The following RICTOR variants were observed in gnomAD, a reference collection of about 807,000 sequenced individuals.
The protein encoded by RICTOR is RPTOR independent companion of MTOR complex 2, also known as rapamycin-insensitive companion of mTOR.
In RICTOR, 49 loss-of-function variants were observed where a neutral mutation model predicts 214.9. The observed-to-expected ratio is 0.23, with a 90% confidence interval of 0.18 to 0.29. The LOEUF is 0.29. Ranked by LOEUF, RICTOR falls within the 10% of genes least tolerant of loss-of-function variation. The pLI is 1.00. For synonymous variants in RICTOR, 717 were observed against 711.3 expected, an observed-to-expected ratio of 1.01 and a Z score of -0.13; for missense variants, 1,625 against 2,047.0, an observed-to-expected ratio of 0.79 and a Z score of 3.98.
At chr5:39,072,065 TC>T (rs1282330431) in intron 2 of RICTOR, among the ~76,000 whole-genome samples, 2 of 152,160 alleles carry the variant, frequency 1.3e-5, no homozygotes, top group African/African-American at 4.8e-5. Context: ...AATGACTGAT[TC>T]AGATTAATTC....
At chr5:39,052,097 G>A (rs912498830) in intron 2 of RICTOR, among the ~76,000 whole-genome samples, 1 of 152,212 alleles carries the variant, frequency 6.6e-6, no homozygotes, top group African/African-American at 2.4e-5. Flanking sequence ...AAATAGGCCA[G>A]GCGTGGTGGC....
intron 14 of RICTOR, 171 bp downstream of exon 14, chr5:38,966,989 CA>C: frequency 1.5e-6 from 1 of 668,214 alleles, no homozygotes; most frequent in Non-Finnish European, 2.7e-6. Flanking sequence ...TTAGTTGAGA[CA>C]CAGTTTCACC....
At position 38,947,287 on chromosome 5, in the gene RICTOR, C is replaced by T. The variant is rs1456534615; in HGVS notation, c.4291G>A (p.Val1431Met). Residue 1431 changes from valine to methionine, a missense_variant, in exon 32 of 38, where the codon GTG (valine) becomes ATG (methionine). By Grantham distance (21) the Val-to-Met change is conservative. This residue lies in a region of RICTOR where 1,214 missense variants were observed against 1,470.5 expected (regional missense o/e 0.83). Coordinates refer to ENST00000357387, the MANE Select transcript of RICTOR (RefSeq NM_152756.5). ...SDDYIGLALP[V>M]DINDIFQVKD... Reference sequence around the variant, plus strand: ...ACCTGGAATATATCATTTATATCCACCGGGAGAGCAAGACCAATGTAATCA... The same window carrying T: ...ACCTGGAATATATCATTTATATCCATCGGGAGAGCAAGACCAATGTAATCA... 1 of 1,611,906 alleles carries T rather than the reference C, an allele frequency of 6.2e-7. No homozygotes were observed. The highest frequency in any genetic ancestry group is 1.1e-5 in the South Asian group (1 of 90,932).
At chr5:38,974,422 C>T (rs1751035899) in intron 10 of RICTOR, among the ~76,000 whole-genome samples, 1 of 151,988 alleles carries the variant, frequency 6.6e-6, no homozygotes. Context: ...TAAGGAAAGA[C>T]TGGCAGAAAC....
At chr5:38,948,478 A>G (rs966008009) in intron 31 of RICTOR, among the ~76,000 whole-genome samples, 1 of 152,036 alleles carries the variant, frequency 6.6e-6, no homozygotes, top group African/African-American at 2.4e-5. Flanking sequence ...CCCAATTCCT[A>G]TTTCAACCAG....
Position 38,991,049 on chromosome 5 carries a change from A to C in RICTOR, c.483T>G (p.Phe161Leu). ...RKMITVNASL[F>L]PSSVTNSLIA... Reference sequence around the variant, plus strand: ...TTAATGAGTTGGTCACAGAACTAGGAAACAAGGAAGCATTCACAGTAATCA... The same window carrying C: ...TTAATGAGTTGGTCACAGAACTAGGCAACAAGGAAGCATTCACAGTAATCA... The change falls in exon 7 of 38, where the codon TTT (phenylalanine) becomes TTG (leucine). Residue 161 changes from phenylalanine to leucine, a missense_variant. Phe to Leu is a conservative substitution (Grantham distance 22). Transcript: ENST00000357387. 6.3e-7 allele frequency: 1 copy of C among 1,596,958 alleles called. No individual in the cohort carries two copies.
At chr5:39,028,636 A>T (rs527255501) in intron 2 of RICTOR, among the ~76,000 whole-genome samples, 1 of 152,356 alleles carries the variant, frequency 6.6e-6, no homozygotes, top group South Asian at 2.1e-4. Context: ...TATTTATAGC[A>T]GCCTTATTCA....
chr5:38,944,047 A>T (rs1326263890), intron 36 of RICTOR, among the ~76,000 whole-genome samples: 1 of 152,204 alleles, frequency 6.6e-6, no homozygotes, highest in African/African-American at 2.4e-5. Context: ...ATTAACTACT[A>T]TATTAGAAAT....
chr5:39,006,971 T>C (rs1482342718), intron 3 of RICTOR, among the ~76,000 whole-genome samples: 1 of 152,160 alleles, frequency 6.6e-6, no homozygotes, highest in East Asian at 1.9e-4. Context: ...GTGTTGAAAG[T>C]AGTTACAAAT....
intron 30 of RICTOR, 94 bp from the exon 31 acceptor site, chr5:38,950,814 G>T: frequency 1.9e-6 from 2 of 1,031,790 alleles, no homozygotes; most frequent in East Asian, 5.2e-5. Flanking sequence ...TTTTTTTTTA[G>T]TCATCTAGAG....
chr5:38,973,103 G>A (rs1033706560), intron 10 of RICTOR, among the ~76,000 whole-genome samples: 4 of 152,130 alleles, frequency 2.6e-5, no homozygotes, highest in East Asian at 1.9e-4. Flanking sequence ...TTAGGAGTAC[G>A]GAGTCAAAAA....
intron 19 of RICTOR, among the ~76,000 whole-genome samples, 181 bp from the exon 20 acceptor site, chr5:38,960,714 C>T (rs1749720416): frequency 6.7e-6 from 1 of 149,390 alleles, no homozygotes; most frequent in African/African-American, 2.5e-5. Context: ...GTGCCCCCAC[C>T]CAAATCTCAC....
At chr5:39,002,184 A>T (rs968551767) in intron 5 of RICTOR, among the ~76,000 whole-genome samples, 5 of 151,528 alleles carry the variant, frequency 3.3e-5, no homozygotes, top group African/African-American at 1.2e-4. Flanking sequence ...AAAAAAAAAA[A>T]AAAAATCAAC....
At chr5:38,956,096 C>A (rs2112893446) in intron 25 of RICTOR, among the ~76,000 whole-genome samples, 1 of 152,134 alleles carries the variant, frequency 6.6e-6, no homozygotes, top group East Asian at 1.9e-4. Context: ...TTTACTGTAT[C>A]CAATCAGCCC....
intron 2 of RICTOR, among the ~76,000 whole-genome samples, chr5:39,052,260 T>C (rs1757908748): frequency 6.6e-6 from 1 of 152,054 alleles, no homozygotes; most frequent in African/African-American, 2.4e-5. Flanking sequence ...TGTATAGTCC[T>C]AGCTACTTAG....
chr5:38,962,050 C>T (rs1322439782), intron 19 of RICTOR, among the ~76,000 whole-genome samples: 1 of 152,024 alleles, frequency 6.6e-6, no homozygotes, highest in Non-Finnish European at 1.5e-5. Context: ...ACAATTGATA[C>T]TACCCCAATT....
At chr5:38,985,482 C>T (rs914470557) in intron 7 of RICTOR, among the ~76,000 whole-genome samples, 1 of 152,038 alleles carries the variant, frequency 6.6e-6, no homozygotes, top group Non-Finnish European at 1.5e-5. Context: ...ACTTATTTTA[C>T]TTGTTACATT....
chr5:38,990,998 T>C lies in RICTOR; in HGVS notation c.534A>G (p.Gln178=). 6.2e-7 allele frequency: 1 copy of C among 1,608,284 alleles called. No homozygotes were observed. Among genetic ancestry groups the C allele is most frequent in the East Asian group, 2.2e-5 (1 of 44,486 alleles). Reference sequence around the variant, plus strand: ...ATGCTCGGACCATTCTGTCTCTTTCTTGAAGTCCATCATTTCCAACTGCAA... The same window carrying C: ...ATGCTCGGACCATTCTGTCTCTTTCCTGAAGTCCATCATTTCCAACTGCAA... ...SLIAVGNDGL[Q]ERDRMVRACI... The change falls in exon 7 of 38, where the codon CAA becomes CAG. Residue 178 remains glutamine, a synonymous_variant. Transcript: ENST00000357387.
chr5:39,067,194 C>T (rs2150216104), intron 2 of RICTOR, among the ~76,000 whole-genome samples: 1 of 152,274 alleles, frequency 6.6e-6, no homozygotes, highest in Non-Finnish European at 1.5e-5. Context: ...AGCATGGTGC[C>T]AGCATCTGCT....
Sources: gnomAD v4.1 joint callset for allele counts (sites outside exome capture counted in the v4.1 genomes callset) on GRCh38, gnomAD v4.1.1 for gene constraint, gnomAD v4.1.1 regional missense constraint, MANE v1.5 for transcripts, NCBI Gene and HGNC (gene_info 2026-07-23, HGNC 2026-07-21) for gene names.